The following GALNT2 variants were observed in gnomAD, a reference collection of about 807,000 sequenced individuals.
GALNT2 encodes the protein polypeptide N-acetylgalactosaminyltransferase 2, also known as UDP-GalNAc:polypeptide N-acetylgalactosaminyltransferase 2.
In GALNT2, 31 loss-of-function variants were observed where a neutral mutation model predicts 81.4. That is an observed-to-expected ratio of 0.38 (90% CI 0.29 to 0.51). The LOEUF is 0.51. GALNT2 is among the 20% of genes least tolerant of loss of function. The pLI is 0.87. For missense variants in GALNT2, 629 were observed against 765.7 expected, an observed-to-expected ratio of 0.82 and a Z score of 2.11; for synonymous variants, 303 against 287.4, an observed-to-expected ratio of 1.05 and a Z score of -0.55.
intron 1 of GALNT2, among the ~76,000 whole-genome samples, chr1:230,160,456 G>GT (rs1359764737): frequency 1.3e-5 from 2 of 152,124 alleles, no homozygotes; most frequent in Non-Finnish European, 1.5e-5. Flanking sequence ...AGACTCAAAA[G>GT]AACTTTCAGA....
Position 230,279,611 on chromosome 1 carries a change from C to G in GALNT2, c.*153C>G. The G allele has an allele frequency of 1.0e-6, 1 of 957,544 alleles. No individual in the cohort carries two copies. The highest frequency in any genetic ancestry group is 1.5e-6 in the Non-Finnish European group (1 of 657,300). 59.3% of individuals were successfully genotyped at this position (957,544 alleles called of 1,614,324 possible). A position where few individuals can be genotyped will look rare whatever the true frequency, so the allele number is the denominator to read the frequency against. ...AAGTCAAACTTCGGCAAGGCACGGA[C>G]GACTGTGCAGACACAGCAGCGGCAA... On this transcript the variant is annotated 3_prime_UTR_variant, in exon 16 of 16. Coordinates refer to ENST00000366672, the MANE Select transcript of GALNT2 (RefSeq NM_004481.5). This position sits in a 1 kb window ranked among gnomAD's most constrained non-coding sequence, Gnocchi z 4.6.
intron 11 of GALNT2, among the ~76,000 whole-genome samples, chr1:230,259,920 G>A (rs1665826829): frequency 6.6e-6 from 1 of 152,214 alleles, no homozygotes; most frequent in South Asian, 2.1e-4. Flanking sequence ...GGAAAGGGCT[G>A]TTACCATCTT....
intron 11 of GALNT2, among the ~76,000 whole-genome samples, chr1:230,260,045 T>TTGACA (rs1003370662): frequency 6.6e-6 from 1 of 152,250 alleles, no homozygotes; most frequent in African/African-American, 2.4e-5. Flanking sequence ...TCAGGTCAGA[T>TTGACA]GCCTTAAACT....
At chr1:230,226,043 T>C (rs910566050) in intron 3 of GALNT2, among the ~76,000 whole-genome samples, 9 of 152,220 alleles carry the variant, frequency 5.9e-5, no homozygotes, top group Admixed American at 5.2e-4. Context: ...TTAAAGCAAC[T>C]GCCCTTACCG....
At chr1:230,118,511 T>A (rs749446338) in intron 1 of GALNT2, among the ~76,000 whole-genome samples, 7 of 152,262 alleles carry the variant, frequency 4.6e-5, no homozygotes, top group Non-Finnish European at 8.8e-5. Context: ...GGTGCCTTCC[T>A]GGGAGGCCCC....
At position 230,070,419 on chromosome 1, in the gene GALNT2, A is replaced by G. The variant is rs142686897; in HGVS notation, c.126+3013A>G. On this transcript the variant is annotated intron_variant, in intron 1 of 15. Coordinates refer to ENST00000366672, the MANE Select transcript of GALNT2 (RefSeq NM_004481.5). The surrounding 1 kb of genome is among the most constrained non-coding windows in gnomAD (Gnocchi z 4.7). ...AAGAGAGGAAGGGATTTCTCTGGAA[A>G]TGAAGCTGCCTGTGGGTGAAGTGTG... is the stretch of plus-strand genomic sequence containing the variant. Among the ~76,000 whole-genome samples the G allele has an allele frequency of 1.9e-4, 29 of 152,284 alleles. No homozygotes were observed. The East Asian group carries it at 5.4e-3, about 28-fold the overall frequency.
chr1:230,262,707 T>TGTG, intron 12 of GALNT2, 42 bp downstream of exon 12: 7 of 971,392 alleles, frequency 7.2e-6, no homozygotes, highest in African/African-American at 3.9e-5. Context: ...TGGGGATTCT[T>TGTG]GGGGTGTGGG....
Position 230,257,368 on chromosome 1 carries a change from C to T in GALNT2, c.1136+2024C>T, listed in dbSNP as rs988400672. Among the ~76,000 whole-genome samples the T allele has an allele frequency of 6.6e-6, 1 of 152,232 alleles. No individual in the cohort carries two copies. Among genetic ancestry groups the T allele is most frequent in the Non-Finnish European group, 1.5e-5 (1 of 68,042 alleles). On this transcript the variant is annotated intron_variant, in intron 11 of 15. Transcript: ENST00000366672. The surrounding 1 kb of genome is among the most constrained non-coding windows in gnomAD (Gnocchi z 4.6). The stretch of plus-strand genomic sequence containing the variant: ...AGTAGCCCAGGCCAGAGATGTGATA[C>T]AGTCATGCACCTGTAACAGCGTTTC...
In GALNT2 at chr1:230,275,176, C is replaced by T. The variant is rs907010422; in HGVS notation, c.1560+612C>T. Among the ~76,000 whole-genome samples the T allele has an allele frequency of 2.6e-5, 4 of 151,292 alleles. No individual in the cohort carries two copies. Among genetic ancestry groups the T allele is most frequent in the Non-Finnish European group, 5.9e-5 (4 of 67,784 alleles). Reference sequence around the variant, plus strand: ...ACACCACATATACATATACCTGCCACATATATACATATATAAACACCACAT... The same window carrying T: ...ACACCACATATACATATACCTGCCATATATATACATATATAAACACCACAT... On this transcript the variant is annotated intron_variant, in intron 15 of 15. Transcript: ENST00000366672. This position sits in a 1 kb window ranked among gnomAD's most constrained non-coding sequence, Gnocchi z 5.5.
chr1:230,236,574 C>G (rs1665039573), intron 5 of GALNT2, 86 bp from the exon 6 acceptor site: 1 of 1,460,450 alleles, frequency 6.8e-7, no homozygotes, highest in East Asian at 2.3e-5. Flanking sequence ...ATAATCGGCC[C>G]TTAGATGATT....
chr1:230,181,517 A>G (rs916679010), intron 2 of GALNT2, among the ~76,000 whole-genome samples: 2 of 151,052 alleles, frequency 1.3e-5, no homozygotes, highest in African/African-American at 2.4e-5. Context: ...GAATTCCTGC[A>G]TATGGTCATA....
At chr1:230,201,382 G>T (rs147094472) in intron 2 of GALNT2, among the ~76,000 whole-genome samples, 1 of 152,078 alleles carries the variant, frequency 6.6e-6, no homozygotes, top group African/African-American at 2.4e-5. Context: ...TTCTGACCTC[G>T]CAGGACCATT....
chr1:230,166,592 G>A (rs911746629), intron 1 of GALNT2, among the ~76,000 whole-genome samples: 4 of 152,216 alleles, frequency 2.6e-5, no homozygotes, highest in South Asian at 2.1e-4. Context: ...GTGAGCACGC[G>A]GACATGTCTT....
In GALNT2 at chr1:230,168,926, C is replaced by T. The variant is rs557499548; in HGVS notation, c.127-9292C>T. 2.0e-5 allele frequency among the ~76,000 whole-genome samples: 3 copies of T among 152,338 alleles called. No homozygotes were observed. In the East Asian group the frequency reaches 5.8e-4, roughly 29 times the overall value. On this transcript the variant is annotated intron_variant, in intron 1 of 15. Transcript: ENST00000366672. ...TTTTAATATGTTATCCAGAATACCA[C>T]ATTCCAGTTAGTGATTATGTCTTCT...
chr1:230,184,138 C>G (rs1250722498), intron 2 of GALNT2, among the ~76,000 whole-genome samples: 3 of 151,782 alleles, frequency 2.0e-5, no homozygotes, highest in Non-Finnish European at 2.9e-5. Flanking sequence ...AACAAATTCC[C>G]TCAACTTGTG....
chr1:230,203,040 T>C (rs1663950428), intron 2 of GALNT2, 97 bp from the exon 3 acceptor site: 1 of 1,330,168 alleles, frequency 7.5e-7, no homozygotes, highest in East Asian at 2.4e-5. Flanking sequence ...AAAGAAGCCA[T>C]GGATGTGATT....
intron 2 of GALNT2, among the ~76,000 whole-genome samples, chr1:230,195,763 C>T (rs983535980): frequency 8.5e-5 from 13 of 152,048 alleles, no homozygotes; most frequent in African/African-American, 2.9e-4. Context: ...CAGATTCCAC[C>T]GTGGCTCCTC....
At chr1:230,237,827 A>G (rs1572121956) in intron 6 of GALNT2, among the ~76,000 whole-genome samples, 1 of 150,056 alleles carries the variant, frequency 6.7e-6, no homozygotes, top group East Asian at 2.0e-4. Flanking sequence ...CTACCCCATC[A>G]CCTGGCACAG....
chr1:230,104,119 T>C (rs920670316), intron 1 of GALNT2, among the ~76,000 whole-genome samples: 9 of 152,196 alleles, frequency 5.9e-5, no homozygotes, highest in African/African-American at 2.2e-4. Flanking sequence ...GTCCTGAAGC[T>C]TCTCTTATGG....
Sources: allele counts gnomAD v4.1 joint callset (sites outside exome capture counted in the v4.1 genomes callset), GRCh38; gene constraint gnomAD v4.1.1; non-coding constraint Gnocchi (gnomAD v3.1); transcripts MANE v1.5; gene names NCBI Gene and HGNC (gene_info 2026-07-23, HGNC 2026-07-21).